The following PSD3 variants were observed in gnomAD, a reference collection of about 807,000 sequenced individuals.
PSD3 encodes PH and SEC7 domain-containing protein 3.
A neutral mutation model predicts 105.5 loss-of-function variants in PSD3; 49 were observed. The observed-to-expected ratio is 0.46, with a 90% CI of 0.37 to 0.59. PSD3 has a LOEUF of 0.59. Among genes scored for constraint, PSD3 ranks in the 20% least tolerant of loss-of-function variants. The pLI is 0.00. For missense variants in PSD3, 1,561 were observed against 1,263.8 expected (o/e 1.24, Z -3.57); for synonymous variants, 557 against 457.8 (o/e 1.22, Z -2.77).
intron 1 of PSD3, among the ~76,000 whole-genome samples, chr8:18,945,220 A>G (rs1822786348): frequency 6.6e-6 from 1 of 152,214 alleles, no homozygotes; most frequent in Admixed American, 6.5e-5. Flanking sequence ...TGATTAAATT[A>G]AATTTCTGGG....
intron 1 of PSD3, chr8:19,000,691 ATGAAGCCACTG>A (rs1269268612): frequency 1.3e-5 from 2 of 151,946 alleles, no homozygotes; most frequent in East Asian, 3.9e-4. Context: ...AAAACAGGAG[ATGAAGCCACTG>A]TGAAGCCAAT....
chr8:18,774,118 T>C (rs1366545510), intron 8 of PSD3, among the ~76,000 whole-genome samples: 1 of 152,198 alleles, frequency 6.6e-6, no homozygotes, highest in Non-Finnish European at 1.5e-5. Context: ...TTCTTTTGTA[T>C]AGTCCTGAAG....
At chr8:18,568,202 G>A (rs1801912234) in intron 14 of PSD3, among the ~76,000 whole-genome samples, 1 of 152,036 alleles carries the variant, frequency 6.6e-6, no homozygotes, top group Non-Finnish European at 1.5e-5. Flanking sequence ...ATTCTTTATA[G>A]AAACACAAAA....
At chr8:18,737,072 T>G (rs953160439) in intron 9 of PSD3, among the ~76,000 whole-genome samples, 2 of 152,216 alleles carry the variant, frequency 1.3e-5, no homozygotes, top group Non-Finnish European at 2.9e-5. Context: ...TCCATTGGAA[T>G]CACCTGGGGA....
intron 9 of PSD3, among the ~76,000 whole-genome samples, chr8:18,748,644 A>G (rs1482523773): frequency 7.0e-6 from 1 of 142,864 alleles, no homozygotes; most frequent in Non-Finnish European, 1.5e-5. Flanking sequence ...TGGGCGACAG[A>G]GCGAGACTCC....
intron 9 of PSD3, among the ~76,000 whole-genome samples, chr8:18,687,322 C>T (rs749889535): frequency 2.4e-4 from 36 of 151,900 alleles, no homozygotes; most frequent in Non-Finnish European, 4.0e-4. Flanking sequence ...AAAAATTAGC[C>T]GGGCATGATG....
intron 9 of PSD3, among the ~76,000 whole-genome samples, chr8:18,659,819 C>G (rs7837926): frequency 6.4e-4 from 97 of 152,288 alleles, no homozygotes; most frequent in African/African-American, 2.2e-3. Context: ...ATGGCTAAAA[C>G]TGGAGGCATA....
At chr8:18,737,702 A>G (rs1804256906) in intron 9 of PSD3, among the ~76,000 whole-genome samples, 1 of 152,186 alleles carries the variant, frequency 6.6e-6, no homozygotes, top group East Asian at 1.9e-4. Context: ...AGGGGAAAGT[A>G]TATACCTTAT....
intron 9 of PSD3, among the ~76,000 whole-genome samples, chr8:18,718,783 G>A (rs945732210): frequency 8.5e-5 from 13 of 152,222 alleles, no homozygotes; most frequent in African/African-American, 2.6e-4. Context: ...TTATAATTTA[G>A]AGACATTAAT....
intron 12 of PSD3, among the ~76,000 whole-genome samples, chr8:18,590,485 A>G (rs1803519347): frequency 1.3e-5 from 2 of 152,228 alleles, no homozygotes. Flanking sequence ...CCATATGTCA[A>G]TAATACACTG....
rs1017938594 is a variant in PSD3, at chr8:18,709,060, C to T, written c.2173-53375G>A. Among the ~76,000 whole-genome samples the T allele has an allele frequency of 3.3e-5, 5 of 152,234 alleles. No homozygotes were observed. The South Asian group carries it at 8.3e-4, about 25-fold the overall frequency. On this transcript the variant is annotated intron_variant, in intron 9 of 15. Coordinates refer to ENST00000327040, the MANE Select transcript of PSD3 (RefSeq NM_015310.4). Reference sequence around the variant, plus strand: ...GCTGTGCAGACTCTCAGCAGCTGCTCGGGTTGTGGACAGCGGTAGCAGGCT... The same window carrying T: ...GCTGTGCAGACTCTCAGCAGCTGCTTGGGTTGTGGACAGCGGTAGCAGGCT...
intron 2 of PSD3, among the ~76,000 whole-genome samples, chr8:18,926,512 C>G (rs180892964): frequency 7.0e-4 from 107 of 152,058 alleles, no homozygotes; most frequent in Non-Finnish European, 1.3e-3. Flanking sequence ...ACCATAAGCA[C>G]AGGAAAAGAT....
chr8:18,545,437 T>C (rs913431821), intron 15 of PSD3, among the ~76,000 whole-genome samples: 4 of 152,096 alleles, frequency 2.6e-5, no homozygotes, highest in African/African-American at 9.7e-5. Context: ...ACACCCTGAT[T>C]TGATTAATGG....
At position 18,935,974 on chromosome 8, in the gene PSD3, C is replaced by G; in HGVS notation, c.130+60G>C. 4 of 1,120,466 alleles carry G rather than the reference C, an allele frequency of 3.6e-6. No homozygotes were observed. The South Asian group carries it at 5.5e-5, about 15-fold the overall frequency. 69.4% of individuals were successfully genotyped at this position (1,120,466 alleles called of 1,614,324 possible). ...AAGTAATGCAGGTGGAGAAAAATCA[C>G]TTTGAAATCACAGCTCTTCATATAG... On this transcript the variant is annotated intron_variant, in intron 2 of 15. Coordinates refer to ENST00000327040, the MANE Select transcript of PSD3 (RefSeq NM_015310.4).
At chr8:18,605,628 G>A (rs1563370313) in intron 11 of PSD3, among the ~76,000 whole-genome samples, 1 of 152,144 alleles carries the variant, frequency 6.6e-6, no homozygotes, top group East Asian at 1.9e-4. Context: ...TTTGGGAGGG[G>A]CCTGGGGCGG....
At chr8:18,646,088 T>A (rs766313917) in intron 10 of PSD3, among the ~76,000 whole-genome samples, 27 of 152,208 alleles carry the variant, frequency 1.8e-4, no homozygotes, top group Non-Finnish European at 3.2e-4. Context: ...TAGACAGCAA[T>A]GACACTGAGA....
At chr8:18,824,266 A>G (rs1812995163) in intron 4 of PSD3, among the ~76,000 whole-genome samples, 1 of 152,206 alleles carries the variant, frequency 6.6e-6, no homozygotes, top group Admixed American at 6.5e-5. Context: ...AATTAACCAC[A>G]TGTATCTGTC....
At chr8:18,586,455 G>T (rs752678391) in intron 12 of PSD3, among the ~76,000 whole-genome samples, 4 of 152,114 alleles carry the variant, frequency 2.6e-5, no homozygotes, top group African/African-American at 7.2e-5. Flanking sequence ...ACGCTATTAC[G>T]TAGTTGAGAA....
chr8:18,917,211 C>G (rs1586418848), intron 2 of PSD3, among the ~76,000 whole-genome samples: 3 of 152,312 alleles, frequency 2.0e-5, no homozygotes, highest in South Asian at 4.1e-4. Flanking sequence ...TGCCTCAGTT[C>G]AGGTCTTCAT....
Sources: gnomAD v4.1 joint callset for allele counts (sites outside exome capture counted in the v4.1 genomes callset) on GRCh38, gnomAD v4.1.1 for gene constraint, MANE v1.5 for transcripts, NCBI Gene and HGNC (gene_info 2026-07-23, HGNC 2026-07-21) for gene names.